The following NCMAP variants were observed in gnomAD, a reference collection of about 807,000 sequenced individuals.
The protein encoded by NCMAP is non-compact myelin associated protein.
In NCMAP, 8 loss-of-function variants were observed where a neutral mutation model predicts 7.8. The observed-to-expected ratio is 1.02, with a 90% CI of 0.60 to 1.84. The LOEUF (loss-of-function observed/expected upper bound fraction) is 1.84. Ranked by LOEUF, NCMAP falls within the 40% of genes most tolerant of loss-of-function variation. NCMAP has a pLI of 0.00. For synonymous variants in NCMAP, 41 were observed against 52.9 expected (o/e 0.78, Z 0.98); for missense variants, 112 against 131.4 (o/e 0.85, Z 0.72).
chr1:24,578,844 G>A (rs114145302), intron 1 of NCMAP, among the ~76,000 whole-genome samples: 4,085 of 152,140 alleles, frequency 0.027, 205 homozygotes, highest in African/African-American at 0.095. Context: ...TGGGATTACA[G>A]ACAAGAGCCA....
intron 1 of NCMAP, among the ~76,000 whole-genome samples, chr1:24,567,964 C>T (rs899227021): frequency 6.6e-6 from 1 of 151,978 alleles, no homozygotes; most frequent in Non-Finnish European, 1.5e-5. Context: ...TAGAGAGAAT[C>T]GACCGAGGGT....
chr1:24,571,590 C>CT lies in NCMAP; in HGVS notation c.-8+15430dup, dbSNP rs200011456. Among the ~76,000 whole-genome samples, 59 of 150,004 alleles carry CT rather than the reference C, an allele frequency of 3.9e-4. 3 individuals carry two copies. The highest frequency in any genetic ancestry group is 1.3e-3 in the African/African-American group (50 of 39,704). On this transcript the variant is annotated intron_variant, in intron 1 of 3. Coordinates refer to ENST00000374392, the MANE Select transcript of NCMAP (RefSeq NM_001010980.5). The stretch of plus-strand genomic sequence containing the variant: ...AATAGAAAAAAACTTCATATATATA[C>CT]TTTTTTTTTCTTTGAGATGGAGTCT...
chr1:24,579,196 G>GT (rs1651678380), intron 1 of NCMAP, among the ~76,000 whole-genome samples: 2 of 147,528 alleles, frequency 1.4e-5, no homozygotes, highest in African/African-American at 5.0e-5. Flanking sequence ...GTAGGGTGGG[G>GT]GTTTTTTTTT....
intron 1 of NCMAP, among the ~76,000 whole-genome samples, chr1:24,594,126 A>C (rs554823871): frequency 3.9e-5 from 6 of 152,150 alleles, no homozygotes; most frequent in Admixed American, 3.9e-4. Flanking sequence ...TCCTGACCTC[A>C]GGTGATCTGC....
At chr1:24,597,969 T>C (rs995963375) in intron 2 of NCMAP, among the ~76,000 whole-genome samples, 2 of 134,892 alleles carry the variant, frequency 1.5e-5, no homozygotes, top group Non-Finnish European at 3.2e-5. Flanking sequence ...CACAGTTTGG[T>C]GGGGGTGGGG....
chr1:24,581,448 A>T (rs1356699432), intron 1 of NCMAP, among the ~76,000 whole-genome samples: 2 of 152,138 alleles, frequency 1.3e-5, no homozygotes, highest in African/African-American at 4.8e-5. Flanking sequence ...GATGTATCCC[A>T]AACTTTGTTT....
intron 2 of NCMAP, among the ~76,000 whole-genome samples, chr1:24,597,633 AAG>A (rs896026104): frequency 8.2e-6 from 1 of 122,264 alleles, no homozygotes; most frequent in Non-Finnish European, 1.6e-5. Context: ...GAAAGAAAGA[AAG>A]AAAGAAAGAA....
rs1309785512 is a variant in NCMAP, at chr1:24,606,735, C to T, written c.*988C>T. ...GTCTGTGACTCCTTAGCCTGGAGAA[C>T]AATCTACCAAGAAGAGAAAGTATCT... On this transcript the variant is annotated 3_prime_UTR_variant, in exon 4 of 4. Coordinates refer to ENST00000374392, the MANE Select transcript of NCMAP (RefSeq NM_001010980.5). 1 of 152,200 alleles carries T rather than the reference C, an allele frequency of 6.6e-6. No individual in the cohort carries two copies. Among genetic ancestry groups the T allele is most frequent in the Non-Finnish European group, 1.5e-5 (1 of 68,056 alleles). The allele number at this position is 152,200 out of a possible 1,614,324, so 9.4% of individuals were successfully genotyped here. A position where few individuals can be genotyped will look rare whatever the true frequency, so the allele number is the denominator to read the frequency against.
At chr1:24,600,162 A>AT (rs1652427925) in intron 2 of NCMAP, among the ~76,000 whole-genome samples, 1 of 147,898 alleles carries the variant, frequency 6.8e-6, no homozygotes. Context: ...ATTTATTTTT[A>AT]TTTTTTGAGA....
intron 1 of NCMAP, among the ~76,000 whole-genome samples, chr1:24,586,737 G>A (rs9660968): frequency 0.33 from 48,064 of 147,194 alleles, 8,295 homozygotes; most frequent in African/African-American, 0.45. Context: ...ACTCCAGCCT[G>A]GGTAACAGTG....
At chr1:24,586,531 G>T (rs969726589) in intron 1 of NCMAP, among the ~76,000 whole-genome samples, 30 of 152,308 alleles carry the variant, frequency 2.0e-4, no homozygotes, top group African/African-American at 7.0e-4. Context: ...GGGAGGCCGA[G>T]GAGGGCGGAT....
rs145061924 is a variant in NCMAP at position 24,577,197 on chromosome 1, G to T, written c.-7-18227G>T. 3.9e-5 allele frequency among the ~76,000 whole-genome samples: 6 copies of T among 152,038 alleles called. No homozygotes were observed. In the East Asian group the frequency reaches 1.2e-3, roughly 29 times the overall value. The stretch of plus-strand genomic sequence containing the variant: ...GGATGTCACATGCTAAAATTATAGA[G>T]CACTAGATTTCCTAGAATTTCATAT... On this transcript the variant is annotated intron_variant, in intron 1 of 3. Coordinates refer to ENST00000374392, the MANE Select transcript of NCMAP (RefSeq NM_001010980.5).
intron 1 of NCMAP, among the ~76,000 whole-genome samples, chr1:24,574,742 C>T (rs1157248064): frequency 6.6e-6 from 1 of 151,834 alleles, no homozygotes; most frequent in Non-Finnish European, 1.5e-5. Context: ...CTGAGAGAAC[C>T]CTGAACCAGC....
rs71577720 is a variant in NCMAP, at chr1:24,577,401, G to GTTTT, written c.-7-17996_-7-17993dup. 6.0e-3 allele frequency among the ~76,000 whole-genome samples: 239 copies of GTTTT among 39,900 alleles called. 9 individuals carry two copies. Among genetic ancestry groups the GTTTT allele is most frequent in the Middle Eastern group, 0.029 (2 of 70 alleles). The allele number at this position is 39,900 out of a possible 152,430, so 26.2% of individuals were successfully genotyped here. A position where few individuals can be genotyped will look rare whatever the true frequency, so the allele number is the denominator to read the frequency against. On this transcript the variant is annotated intron_variant, in intron 1 of 3. Transcript: ENST00000374392. Reference sequence around the variant, plus strand: ...GAGTTTCTAAGAAGGCACTGGCCTTGTTTTTTTTTTTTTTTTTTTTTTTTT... The same window carrying GTTTT: ...GAGTTTCTAAGAAGGCACTGGCCTTGTTTTTTTTTTTTTTTTTTTTTTTTTTTTT...
intron 1 of NCMAP, among the ~76,000 whole-genome samples, chr1:24,575,235 C>A (rs946849311): frequency 6.6e-6 from 1 of 151,906 alleles, no homozygotes; most frequent in Non-Finnish European, 1.5e-5. Context: ...GTTTTAATTT[C>A]TTTAAAATCA....
chr1:24,597,665 AAGAAAGAAAAGAAAAAG>A, intron 2 of NCMAP, among the ~76,000 whole-genome samples: 1 of 139,430 alleles, frequency 7.2e-6, no homozygotes. Context: ...GAAAGAAAGA[AAGAAAGAAAAGAAAAAG>A]AAAGAAAGAA....
At chr1:24,561,871 C>T (rs995348391) in intron 1 of NCMAP, among the ~76,000 whole-genome samples, 20 of 151,080 alleles carry the variant, frequency 1.3e-4, no homozygotes, top group African/African-American at 4.6e-4. Flanking sequence ...GATCATGCCA[C>T]CGCACTCTAC....
intron 1 of NCMAP, among the ~76,000 whole-genome samples, chr1:24,559,246 T>C (rs979038634): frequency 1.3e-5 from 2 of 152,206 alleles, no homozygotes; most frequent in South Asian, 4.1e-4. Context: ...GGTTTCCCCA[T>C]CTCCATCCAT....
At chr1:24,593,857 A>ATCAT (rs374634937) in intron 1 of NCMAP, among the ~76,000 whole-genome samples, 1 of 144,618 alleles carries the variant, frequency 6.9e-6, no homozygotes. Context: ...GTTCAGAGCG[A>ATCAT]TTATTTATTT....
Sources: gnomAD v4.1 joint callset for allele counts (sites outside exome capture counted in the v4.1 genomes callset) on GRCh38, gnomAD v4.1.1 for gene constraint, MANE v1.5 for transcripts, NCBI Gene and HGNC (gene_info 2026-07-23, HGNC 2026-07-21) for gene names.